The following NTN1 variants were observed in gnomAD, a reference collection of about 807,000 sequenced individuals.
NTN1 encodes netrin-1.
A neutral mutation model predicts 54.2 loss-of-function variants in NTN1; 11 were observed. The ratio of observed to expected loss-of-function variants is 0.20; its 90% CI spans 0.13 to 0.34. NTN1 has a LOEUF of 0.34. NTN1 is among the 10% of genes least tolerant of loss of function. The pLI, the probability that NTN1 is intolerant of heterozygous loss-of-function variation, is 1.00. For synonymous variants in NTN1, 371 were observed against 382.0 expected (o/e 0.97, Z 0.33); for missense variants, 740 against 893.1 (o/e 0.83, Z 2.18).
chr17:9,239,822 C>T lies in NTN1; in HGVS notation c.1669C>T (p.Leu557=). The change falls in exon 7 of 7, where the codon CTG becomes TTG. Residue 557 remains leucine, a synonymous_variant. Coordinates refer to ENST00000173229, the MANE Select transcript of NTN1 (RefSeq NM_004822.3). This position sits in a 1 kb window ranked among gnomAD's most constrained non-coding sequence, Gnocchi z 5.2. ...PKIKPLKKYL[L]LGNAEDSPDQ... ...AATCAAGCCCCTCAAGAAGTACCTG[C>T]TGCTGGGCAACGCGGAGGACTCTCC... The T allele has an allele frequency of 6.2e-7, 1 of 1,613,584 alleles. No individual in the cohort carries two copies. Among genetic ancestry groups the T allele is most frequent in the Non-Finnish European group, 8.5e-7 (1 of 1,180,014 alleles).
At chr17:9,072,187 C>A (rs906698339) in intron 2 of NTN1, among the ~76,000 whole-genome samples, 6 of 151,942 alleles carry the variant, frequency 3.9e-5, no homozygotes, top group African/African-American at 1.5e-4. Flanking sequence ...GTCCTTAGCC[C>A]CAGCTTTCCA....
intron 5 of NTN1, among the ~76,000 whole-genome samples, chr17:9,204,254 CTCTCTCTCTCCT>C (rs1904900955): frequency 4.2e-5 from 6 of 142,496 alleles, no homozygotes; most frequent in Non-Finnish European, 9.0e-5. Flanking sequence ...GTTTCTCTCT[CTCTCTCTCTCCT>C]TCTCTCTCTC....
intron 5 of NTN1, among the ~76,000 whole-genome samples, chr17:9,204,229 C>A (rs1285343024): frequency 1.7e-5 from 2 of 115,952 alleles, no homozygotes; most frequent in South Asian, 2.7e-4. Flanking sequence ...CCTTTTCTTT[C>A]TCTTCTCTTC....
intron 2 of NTN1, among the ~76,000 whole-genome samples, chr17:9,073,089 C>A (rs1002787493): frequency 6.6e-6 from 1 of 152,184 alleles, no homozygotes; most frequent in African/African-American, 2.4e-5. Flanking sequence ...CGAGGACGAG[C>A]GGATATTGAA....
At chr17:9,108,408 C>T (rs965274701) in intron 2 of NTN1, among the ~76,000 whole-genome samples, 1 of 152,156 alleles carries the variant, frequency 6.6e-6, no homozygotes, top group Admixed American at 6.5e-5. Context: ...ATCAGCAGAG[C>T]CGGAGTCACA....
intron 5 of NTN1, chr17:9,183,688 G>C (rs1181610685): frequency 5.4e-6 from 1 of 184,334 alleles, no homozygotes; most frequent in Non-Finnish European, 1.1e-5. Context: ...CATCAATCTG[G>C]GTCTTTAAAG....
At chr17:9,016,784 A>G (rs879370314), upstream of NTN1, among the ~76,000 whole-genome samples, 4 of 152,020 alleles carry the variant, frequency 2.6e-5, no homozygotes, top group African/African-American at 7.3e-5. Context: ...AACACTCTCA[A>G]CTTGAGATTA....
intron 2 of NTN1, among the ~76,000 whole-genome samples, chr17:9,129,895 C>G (rs572442805): frequency 6.6e-6 from 1 of 152,260 alleles, no homozygotes; most frequent in South Asian, 2.1e-4. Flanking sequence ...AAATCTCAGC[C>G]CAACAGAGTC....
chr17:9,208,666 C>G (rs1160022192), intron 5 of NTN1, among the ~76,000 whole-genome samples: 2 of 152,226 alleles, frequency 1.3e-5, no homozygotes, highest in African/African-American at 4.8e-5. Context: ...CTCCTAATAC[C>G]CAAGAGCTTA....
intron 5 of NTN1, among the ~76,000 whole-genome samples, chr17:9,217,611 A>G (rs1460021296): frequency 6.6e-6 from 1 of 152,100 alleles, no homozygotes; most frequent in Non-Finnish European, 1.5e-5. Context: ...CTGGAATACA[A>G]CCTAAACAAA....
intron 5 of NTN1, among the ~76,000 whole-genome samples, chr17:9,191,313 A>C (rs1208497516): frequency 2.0e-5 from 3 of 152,180 alleles, no homozygotes; most frequent in African/African-American, 7.2e-5. Context: ...ATACAAAATT[A>C]GCTGGGCATG....
intron 2 of NTN1, among the ~76,000 whole-genome samples, chr17:9,073,052 G>C (rs191708020): frequency 6.6e-6 from 1 of 152,228 alleles, no homozygotes; most frequent in African/African-American, 2.4e-5. Flanking sequence ...AGAAAGGGGT[G>C]GGGGGACCGT....
intron 2 of NTN1, among the ~76,000 whole-genome samples, chr17:9,052,036 G>A (rs981409719): frequency 3.8e-4 from 57 of 151,826 alleles, no homozygotes; most frequent in African/African-American, 2.4e-5. Context: ...GCAATGATGC[G>A]ATCTCAGCTC....
rs1344297174 is a variant in NTN1 at position 9,219,186 on chromosome 17, TGCTGATGGC to T, written c.1412-1979_1412-1971del. ...GGAAGTGCGGCCGCGGTGCTGATGG[TGCTGATGGC>T]GCCGTTGACTTGAGTGTTTGGGCTG... On this transcript the variant is annotated intron_variant, in intron 5 of 6. Coordinates refer to ENST00000173229, the MANE Select transcript of NTN1 (RefSeq NM_004822.3). The surrounding 1 kb of genome is among the most constrained non-coding windows in gnomAD (Gnocchi z 4.5). 2.6e-5 allele frequency among the ~76,000 whole-genome samples: 4 copies of T among 152,194 alleles called. No homozygotes were observed. Among genetic ancestry groups the T allele is most frequent in the African/African-American group, 4.8e-5 (2 of 41,426 alleles).
chr17:9,092,724 T>C (rs2092116057), intron 2 of NTN1, among the ~76,000 whole-genome samples: 3 of 151,410 alleles, frequency 2.0e-5, no homozygotes, highest in African/African-American at 7.3e-5. Context: ...CACCCATAGC[T>C]GGGATTACAG....
chr17:9,182,139 G>A (rs1005440085), intron 4 of NTN1, among the ~76,000 whole-genome samples: 3 of 152,110 alleles, frequency 2.0e-5, no homozygotes, highest in African/African-American at 7.2e-5. Flanking sequence ...CACCACGCCT[G>A]GCTGATTTGT....
At chr17:9,047,879 A>G (rs565521668) in intron 2 of NTN1, among the ~76,000 whole-genome samples, 3 of 151,894 alleles carry the variant, frequency 2.0e-5, no homozygotes, top group Non-Finnish European at 2.9e-5. Context: ...TATTTTTAGT[A>G]GAGGAGGGGT....
rs566484512 is a variant in NTN1 at position 9,053,342 on chromosome 17, C to T, written c.1018+29951C>T. Among the ~76,000 whole-genome samples, 21 of 152,350 alleles carry T rather than the reference C, an allele frequency of 1.4e-4. No homozygotes were observed. The East Asian group carries it at 3.7e-3, about 27-fold the overall frequency. ...CGAAAATGGAAAGGAATTAGCCCTT[C>T]CTGTTGCTACTGTGTTACTCAGGGG... is the stretch of plus-strand genomic sequence containing the variant. On this transcript the variant is annotated intron_variant, in intron 2 of 6. Coordinates refer to ENST00000173229, the MANE Select transcript of NTN1 (RefSeq NM_004822.3).
At chr17:9,121,386 C>A (rs954982010) in intron 2 of NTN1, among the ~76,000 whole-genome samples, 3 of 152,058 alleles carry the variant, frequency 2.0e-5, no homozygotes, top group Admixed American at 6.6e-5. Context: ...GCACCTCATC[C>A]TATTTTTGCT....
Sources: gnomAD v4.1 joint callset for allele counts (sites outside exome capture counted in the v4.1 genomes callset) on GRCh38, gnomAD v4.1.1 for gene constraint, Gnocchi (gnomAD v3.1) non-coding constraint, MANE v1.5 for transcripts, NCBI Gene and HGNC (gene_info 2026-07-23, HGNC 2026-07-21) for gene names.